Variants in NRXN3 observed in about 807,000 individuals in gnomAD.
NRXN3 encodes neurexin III.
A neutral mutation model predicts 137.6 loss-of-function variants in NRXN3; 32 were observed. The observed-to-expected ratio is 0.23, with a 90% confidence interval of 0.18 to 0.31. NRXN3 has a LOEUF of 0.31. NRXN3 is among the 10% of genes least tolerant of loss of function. The pLI is 1.00. For missense variants in NRXN3, 1,574 were observed against 2,062.5 expected (o/e 0.76, Z 4.59); for synonymous variants, 798 against 784.5 (o/e 1.02, Z -0.29).
At chr14:78,700,931 C>T (rs949453372) in intron 6 of NRXN3, among the ~76,000 whole-genome samples, 1 of 152,114 alleles carries the variant, frequency 6.6e-6, no homozygotes, top group African/African-American at 2.4e-5. Flanking sequence ...ACCACCATGC[C>T]TGGCTAATTT....
At chr14:78,402,520 A>G (rs1455702901) in intron 4 of NRXN3, among the ~76,000 whole-genome samples, 1 of 152,216 alleles carries the variant, frequency 6.6e-6, no homozygotes, top group Admixed American at 6.5e-5. Flanking sequence ...TGATGTCCTT[A>G]ACAAGCCATT....
chr14:78,201,960 A>G (rs1294332928), intron 1 of NRXN3, among the ~76,000 whole-genome samples: 1 of 152,250 alleles, frequency 6.6e-6, no homozygotes, highest in Admixed American at 6.5e-5. Flanking sequence ...GAAATTGGCT[A>G]CAGCGACCAA....
At chr14:78,456,802 T>TTTCTTTCTTTCTTTCA in intron 4 of NRXN3, among the ~76,000 whole-genome samples, 1 of 83,096 alleles carries the variant, frequency 1.2e-5, no homozygotes, top group Admixed American at 1.3e-4. Flanking sequence ...TCTTTCTCTC[T>TTTCTTTCTTTCTTTCA]TTCTTTCTTT....
intron 2 of NRXN3, among the ~76,000 whole-genome samples, chr14:78,278,239 A>C (rs1037932228): frequency 6.6e-6 from 1 of 152,164 alleles, no homozygotes; most frequent in African/African-American, 2.4e-5. Flanking sequence ...CTTCATGTCC[A>C]GTGTTTGGTA....
intron 4 of NRXN3, among the ~76,000 whole-genome samples, chr14:78,498,906 A>G (rs2095836215): frequency 6.6e-6 from 1 of 151,998 alleles, no homozygotes. Context: ...GACTGCAGGC[A>G]TGAACCACTG....
intron 4 of NRXN3, among the ~76,000 whole-genome samples, chr14:78,475,589 T>C (rs1345878406): frequency 6.6e-6 from 1 of 152,094 alleles, no homozygotes; most frequent in Admixed American, 6.5e-5. Context: ...GAAATGTAAA[T>C]AAGAGTTGAA....
chr14:79,345,564 T>C (rs1383610472), intron 15 of NRXN3, among the ~76,000 whole-genome samples: 1 of 152,134 alleles, frequency 6.6e-6, no homozygotes, highest in African/African-American at 2.4e-5. Flanking sequence ...CATGTTGAAA[T>C]AGAATCCCCA....
intron 15 of NRXN3, among the ~76,000 whole-genome samples, chr14:79,276,207 A>G (rs534631660): frequency 6.6e-6 from 1 of 152,356 alleles, no homozygotes; most frequent in East Asian, 1.9e-4. Flanking sequence ...TGTTAGACTA[A>G]TATAGGCTCT....
chr14:78,527,952 A>G (rs547295425), intron 4 of NRXN3, among the ~76,000 whole-genome samples: 1 of 152,322 alleles, frequency 6.6e-6, no homozygotes, highest in African/African-American at 2.4e-5. Flanking sequence ...ATGTGCAGTA[A>G]TTGGTAGGGA....
rs758434957 is a variant in NRXN3 at position 78,693,271 on chromosome 14, A to T, written c.1222-15946A>T. ...GCAAGCTTTATCAGCTTTATCTCTG[A>T]TATTTCTTTCTAGACAGTTCCTCTC... On this transcript the variant is annotated intron_variant, in intron 6 of 20. Transcript: ENST00000335750. 4.9e-4 allele frequency among the ~76,000 whole-genome samples: 74 copies of T among 151,866 alleles called. 1 individual carries two copies. The highest frequency in any genetic ancestry group is 4.1e-4 in the Non-Finnish European group (28 of 67,950).
At chr14:79,662,959 A>G (rs2153986144) in intron 16 of NRXN3, among the ~76,000 whole-genome samples, 1 of 152,218 alleles carries the variant, frequency 6.6e-6, no homozygotes, top group Admixed American at 6.5e-5. Flanking sequence ...CATCCACACC[A>G]TATCACCGTC....
chr14:79,505,036 G>A lies in NRXN3; in HGVS notation c.3444+37634G>A, dbSNP rs143807645. Reference sequence around the variant, plus strand: ...TTGAGACCAGCCTGAACAACATGGCGAAAGCCCATCTCTACTAAAAATACA... The same window carrying A: ...TTGAGACCAGCCTGAACAACATGGCAAAAGCCCATCTCTACTAAAAATACA... On this transcript the variant is annotated intron_variant, in intron 16 of 20. Coordinates refer to ENST00000335750, the MANE Select transcript of NRXN3 (RefSeq NM_001330195.2). Among the ~76,000 whole-genome samples the A allele has an allele frequency of 6.8e-4, 103 of 152,190 alleles. 1 individual carries two copies. The highest frequency in any genetic ancestry group is 2.2e-3 in the African/African-American group (92 of 41,540).
At chr14:78,501,034 C>G (rs2095868739) in intron 4 of NRXN3, among the ~76,000 whole-genome samples, 1 of 152,162 alleles carries the variant, frequency 6.6e-6, no homozygotes, top group Non-Finnish European at 1.5e-5. Context: ...CTTATTGCCC[C>G]ACTCCTAGTT....
intron 16 of NRXN3, among the ~76,000 whole-genome samples, chr14:79,645,722 C>A (rs555693118): frequency 3.0e-5 from 4 of 134,598 alleles, no homozygotes; most frequent in African/African-American, 7.4e-5. Flanking sequence ...CTAGACTAAT[C>A]AACAATTATG....
rs150517180 is a variant in NRXN3 at position 79,754,419 on chromosome 14, C to T, written c.4015-50693C>T. On this transcript the variant is annotated intron_variant, in intron 19 of 20. Transcript: ENST00000335750. ...AATACTGTGCCATTAGGGACTTGAA[C>T]ATCTCCAGATTTTGTATCCACAGGG... 2.0e-5 allele frequency among the ~76,000 whole-genome samples: 3 copies of T among 148,850 alleles called. No homozygotes were observed. The East Asian group carries it at 6.0e-4, about 30-fold the overall frequency.
At chr14:79,042,216 T>G (rs1211437590) in intron 15 of NRXN3, among the ~76,000 whole-genome samples, 1 of 152,206 alleles carries the variant, frequency 6.6e-6, no homozygotes, top group Non-Finnish European at 1.5e-5. Context: ...TCTCTAAATA[T>G]TCCAACGATT....
At chr14:78,993,580 G>T (rs1004530655) in intron 15 of NRXN3, among the ~76,000 whole-genome samples, 3 of 152,130 alleles carry the variant, frequency 2.0e-5, no homozygotes, top group African/African-American at 7.2e-5. Context: ...TGCTTAGAAT[G>T]CACTTTATCA....
intron 15 of NRXN3, among the ~76,000 whole-genome samples, chr14:79,158,995 G>A (rs1309074171): frequency 6.6e-6 from 1 of 151,814 alleles, no homozygotes; most frequent in Admixed American, 6.6e-5. Flanking sequence ...TGTTGTAGTG[G>A]ATGAGGACTC....
intron 15 of NRXN3, among the ~76,000 whole-genome samples, chr14:79,420,080 A>G (rs2095553952): frequency 6.6e-6 from 1 of 152,174 alleles, no homozygotes; most frequent in South Asian, 2.1e-4. Context: ...TGGCTCCATA[A>G]CAGAAGTAAT....
Sources: gnomAD v4.1 joint callset for allele counts (sites outside exome capture counted in the v4.1 genomes callset) on GRCh38, gnomAD v4.1.1 for gene constraint, MANE v1.5 for transcripts, NCBI Gene and HGNC (gene_info 2026-07-23, HGNC 2026-07-21) for gene names.